NT5DC4: variants seen among roughly 807,000 people sequenced by gnomAD.
The protein encoded by NT5DC4 is 5'-nucleotidase domain containing 4, also known as 5'-nucleotidase domain-containing protein 4.
Under a neutral mutation model 26.6 loss-of-function variants are expected in NT5DC4, and 44 were observed. That is an observed-to-expected ratio of 1.65 (90% confidence interval 1.30 to 2.13). The LOEUF is 2.13. NT5DC4 is among the 30% of genes most tolerant of loss of function. NT5DC4 has a pLI of 0.00. For synonymous variants in NT5DC4, 157 were observed against 86.7 expected (o/e 1.81, Z -4.51); for missense variants, 399 against 228.1 (o/e 1.75, Z -4.83).
At position 112,722,708 on chromosome 2, in the gene NT5DC4, C is replaced by T. The variant is rs1315842178; in HGVS notation, c.470-6C>T. The T allele has an allele frequency of 5.6e-6, 4 of 717,636 alleles. 1 individual carries two copies. Among genetic ancestry groups the T allele is most frequent in the East Asian group, 5.4e-5 (2 of 37,276 alleles). The allele number at this position is 717,636 out of a possible 1,614,324, so 44.5% of individuals were successfully genotyped here. A position where few individuals can be genotyped will look rare whatever the true frequency, so the allele number is the denominator to read the frequency against. Reference sequence around the variant, plus strand: ...GCTGACAACTGACCATCCTGTCTGCCCCCAGAAACCTACCTCTATGCCTGC... The same window carrying T: ...GCTGACAACTGACCATCCTGTCTGCTCCCAGAAACCTACCTCTATGCCTGC... On this transcript the variant is annotated splice_polypyrimidine_tract_variant and splice_region_variant and intron_variant, in intron 5 of 16. Transcript: ENST00000688554.
intron 16 of NT5DC4, among the ~76,000 whole-genome samples, chr2:112,731,872 C>T (rs1574276945): frequency 6.6e-6 from 1 of 150,770 alleles, no homozygotes; most frequent in African/African-American, 2.4e-5. Context: ...ACTTAGATAC[C>T]TGAGGATAAA....
intron 16 of NT5DC4, among the ~76,000 whole-genome samples, chr2:112,736,016 A>C (rs548002352): frequency 6.6e-6 from 1 of 152,138 alleles, no homozygotes; most frequent in Non-Finnish European, 1.5e-5. Flanking sequence ...AAGACATAAA[A>C]CCACCATAAA....
At chr2:112,729,961 T>C (rs1370745830) in intron 16 of NT5DC4, among the ~76,000 whole-genome samples, 1 of 152,198 alleles carries the variant, frequency 6.6e-6, no homozygotes, top group African/African-American at 2.4e-5. Context: ...AGATGATAAT[T>C]GTATCGATGA....
At chr2:112,720,666 G>A (rs1676791299), upstream of NT5DC4, among the ~76,000 whole-genome samples, 2 of 152,204 alleles carry the variant, frequency 1.3e-5, no homozygotes, top group South Asian at 4.1e-4. Context: ...ATAACCAAAT[G>A]TGTCAGAATT....
rs933432299 is a variant in NT5DC4 at position 112,726,262 on chromosome 2, T to C, written c.1178T>C (p.Leu393Pro). The C allele has an allele frequency of 1.4e-6, 1 of 717,200 alleles. No homozygotes were observed. Among genetic ancestry groups the C allele is most frequent in the African/African-American group, 1.7e-5 (1 of 57,306 alleles). 44.4% of individuals were successfully genotyped at this position (717,200 alleles called of 1,614,324 possible). A position where few individuals can be genotyped will look rare whatever the true frequency, so the allele number is the denominator to read the frequency against. The change falls in exon 14 of 17, where the codon CTG becomes CCG. Residue 393 changes from leucine to proline, a missense_variant. By Grantham distance (98) the Leu-to-Pro change is moderately conservative. Coordinates refer to ENST00000688554, the MANE Select transcript of NT5DC4 (RefSeq NM_001393655.1). ...EKERLEELKRLDTHLADIYQH... is the reference protein window; with the variant it reads ...EKERLEELKRPDTHLADIYQH... ...GAGCGGTTGGAGGAGCTGAAGAGAC[T>C]GGACACGCACCTGGCAGACATATAC...
chr2:112,723,851 A>G lies in NT5DC4; in HGVS notation c.756+49A>G, dbSNP rs576443069. 294 of 500,138 alleles carry G rather than the reference A, an allele frequency of 5.9e-4. 3 individuals carry two copies. Among genetic ancestry groups the G allele is most frequent in the African/African-American group, 3.9e-3 (196 of 50,368 alleles). 31.0% of individuals were successfully genotyped at this position (500,138 alleles called of 1,614,324 possible). Reference sequence around the variant, plus strand: ...GACCGTCGGCCTCCTTCCTGGCCCCAGGGGACACAGTGGCACTGCAAGCAA... The same window carrying G: ...GACCGTCGGCCTCCTTCCTGGCCCCGGGGGACACAGTGGCACTGCAAGCAA... On this transcript the variant is annotated intron_variant, in intron 9 of 16. Coordinates refer to ENST00000688554, the MANE Select transcript of NT5DC4 (RefSeq NM_001393655.1).
intron 16 of NT5DC4, among the ~76,000 whole-genome samples, chr2:112,730,141 C>T (rs1678302901): frequency 1.3e-5 from 2 of 151,678 alleles, no homozygotes; most frequent in African/African-American, 2.4e-5. Flanking sequence ...GGTGAAAACC[C>T]GTCTCTATTA....
At chr2:112,720,309 C>T (rs1395300714), upstream of NT5DC4, among the ~76,000 whole-genome samples, 1 of 151,924 alleles carries the variant, frequency 6.6e-6, no homozygotes, top group Non-Finnish European at 1.5e-5. Context: ...ACGTATCCAC[C>T]CACCTTGGCC....
chr2:112,742,487 T>G (rs536965975), downstream of NT5DC4: 4 of 718,304 alleles, frequency 5.6e-6, no homozygotes, highest in East Asian at 1.1e-4. Context: ...TCTAGGCTGT[T>G]TTGGTGGAAA....
At chr2:112,719,902 CTTTTTCTTT>C (rs1558714388), upstream of NT5DC4, among the ~76,000 whole-genome samples, 12 of 86,988 alleles carry the variant, frequency 1.4e-4, no homozygotes, top group South Asian at 1.7e-3. Context: ...TTCTTTCTTT[CTTTTTCTTT>C]CTTTCTTTCT....
At chr2:112,732,099 CAG>C in intron 16 of NT5DC4, among the ~76,000 whole-genome samples, 1 of 152,078 alleles carries the variant, frequency 6.6e-6, no homozygotes, top group African/African-American at 2.4e-5. Flanking sequence ...TTAGTAGAGA[CAG>C]GGTTTCACCA....
chr2:112,742,552 A>G, downstream of NT5DC4: 2 of 708,528 alleles, frequency 2.8e-6, no homozygotes, highest in Non-Finnish European at 5.3e-6. Flanking sequence ...CAAATAAGTC[A>G]GCTGATGACA....
downstream of NT5DC4, among the ~76,000 whole-genome samples, chr2:112,739,742 C>T (rs1679741731): frequency 6.6e-6 from 1 of 152,100 alleles, no homozygotes; most frequent in Non-Finnish European, 1.5e-5. Flanking sequence ...ACAGCCTCAA[C>T]CTCCTAGGAT....
Position 112,722,484 on chromosome 2 carries a change from C to T in NT5DC4, c.364C>T (p.Leu122=), listed in dbSNP as rs1296756394. The change falls in exon 5 of 17, where the codon CTA becomes TTA. Residue 122 remains leucine, a splice_region_variant and synonymous_variant. Transcript: ENST00000688554. ...GGAGGGGTCATTGGCTGCACCCAGC[C>T]TACCCCTCCTCAGGGCAGAGATCTG... ...GAYGFTFLSD[L]PLLRAEIWSF... The T allele has an allele frequency of 1.4e-6, 1 of 717,272 alleles. No individual in the cohort carries two copies. The highest frequency in any genetic ancestry group is 2.0e-5 in the Admixed American group (1 of 50,012). 44.4% of individuals were successfully genotyped at this position (717,272 alleles called of 1,614,324 possible).
At chr2:112,721,334 A>G (rs1012380742) in intron 1 of NT5DC4, among the ~76,000 whole-genome samples, 181 bp downstream of exon 1, 1 of 152,180 alleles carries the variant, frequency 6.6e-6, no homozygotes, top group Non-Finnish European at 1.5e-5. Context: ...GGAACTGACC[A>G]CACACACTCC....
chr2:112,734,879 A>G (rs959650976), intron 16 of NT5DC4, among the ~76,000 whole-genome samples: 3 of 151,982 alleles, frequency 2.0e-5, no homozygotes, highest in African/African-American at 7.3e-5. Context: ...TAGTAGAGAC[A>G]GGGTTTCACT....
rs1318659112 is a variant in NT5DC4, at chr2:112,723,882, AGG to A, written c.756+83_756+84del. On this transcript the variant is annotated intron_variant, in intron 9 of 16. Coordinates refer to ENST00000688554, the MANE Select transcript of NT5DC4 (RefSeq NM_001393655.1). ...CACAGTGGCACTGCAAGCAACAGGG[AGG>A]GGTGGGGCGGGGAGCCAAGACCCTC... 4.8e-6 allele frequency: 3 copies of A among 620,358 alleles called. No individual in the cohort carries two copies. In the Admixed American group the frequency reaches 6.6e-5, roughly 14 times the overall value. 38.4% of individuals were successfully genotyped at this position (620,358 alleles called of 1,614,324 possible).
chr2:112,721,607 CACACATGCTT>C, intron 1 of NT5DC4: 2 of 717,412 alleles, frequency 2.8e-6, no homozygotes, highest in East Asian at 5.4e-5. Context: ...CACACATGCT[CACACATGCTT>C]ACATGCACAC....
upstream of NT5DC4, among the ~76,000 whole-genome samples, chr2:112,719,276 G>A (rs1244780090): frequency 6.6e-6 from 1 of 152,184 alleles, no homozygotes; most frequent in African/African-American, 2.4e-5. Flanking sequence ...AGTGGCATAC[G>A]CAGTCCACTG....
Sources: gnomAD v4.1 joint callset for allele counts (sites outside exome capture counted in the v4.1 genomes callset) on GRCh38, gnomAD v4.1.1 for gene constraint, MANE v1.5 for transcripts, NCBI Gene and HGNC (gene_info 2026-07-23, HGNC 2026-07-21) for gene names.